EEF2KMT: variants seen among roughly 807,000 people sequenced by gnomAD.
The protein encoded by EEF2KMT is eukaryotic elongation factor 2 lysine methyltransferase.
In EEF2KMT, 30 loss-of-function variants were observed where a neutral mutation model predicts 35.1. The observed-to-expected ratio is 0.85, with a 90% CI of 0.64 to 1.16. EEF2KMT has a LOEUF of 1.16. EEF2KMT is among the 50% of genes most tolerant of loss of function. The pLI is 0.00. For missense variants in EEF2KMT, 499 were observed against 438.2 expected (o/e 1.14, Z -1.24); for synonymous variants, 190 against 187.7 (o/e 1.01, Z -0.10).
In EEF2KMT at chr16:5,089,163, T is replaced by G; in HGVS notation, c.836A>C (p.Tyr279Ser). ...TGGGTTGCGGACGGTAAAGGCCACG[T>G]AGACCTCAGGAGCCCGCTGGTGCTC... ...CREHQRAPEVYVAFTVRNPET... is the reference protein window; with the variant it reads ...CREHQRAPEVSVAFTVRNPET... Residue 279 changes from tyrosine (Y) to serine (S), a missense_variant, in exon 7 of 8, where the codon TAC (tyrosine) becomes TCC (serine). Transcript: ENST00000427587. 1 of 1,612,304 alleles carries G rather than the reference T, an allele frequency of 6.2e-7. No individual in the cohort carries two copies. Among genetic ancestry groups the G allele is most frequent in the Admixed American group, 1.7e-5 (1 of 60,020 alleles).
At chr16:5,097,580 C>G in intron 1 of EEF2KMT, 64 bp downstream of exon 1, 5 of 1,527,498 alleles carry the variant, frequency 3.3e-6, no homozygotes, top group East Asian at 2.5e-5. Flanking sequence ...GCACGGAGAC[C>G]CGTCCCGTCT....
chr16:5,097,528 G>C, intron 1 of EEF2KMT, 116 bp downstream of exon 1: 3 of 1,488,212 alleles, frequency 2.0e-6, no homozygotes, highest in Non-Finnish European at 2.7e-6. Flanking sequence ...CCTGACCGGC[G>C]GGAGCCCAGG....
chr16:5,097,430 GC>G (rs1257946792), intron 1 of EEF2KMT: 24 of 1,413,042 alleles, frequency 1.7e-5, no homozygotes, highest in Non-Finnish European at 1.9e-5. Flanking sequence ...CTGTGGAGAC[GC>G]CCCCAGCTTC....
At chr16:5,096,746 C>T (rs1350701021) in intron 1 of EEF2KMT, among the ~76,000 whole-genome samples, 1 of 152,164 alleles carries the variant, frequency 6.6e-6, no homozygotes, top group Non-Finnish European at 1.5e-5. Context: ...AATAATAGTA[C>T]CCACCTCGTG....
chr16:5,087,628 A>C (rs1957225502), intron 7 of EEF2KMT, among the ~76,000 whole-genome samples: 1 of 151,782 alleles, frequency 6.6e-6, no homozygotes. Flanking sequence ...CGAAACCTCA[A>C]CTCTACAAAC....
chr16:5,092,006 C>T (rs951538756), intron 3 of EEF2KMT, 111 bp from the exon 4 acceptor site: 42 of 1,535,410 alleles, frequency 2.7e-5, no homozygotes, highest in African/African-American at 1.8e-4. Flanking sequence ...GGTATAATAC[C>T]GGCCAGCTGC....
Position 5,090,205 on chromosome 16 carries a change from T to C in EEF2KMT, c.621A>G (p.Ser207=), listed in dbSNP as rs1293031189. The C allele has an allele frequency of 1.2e-6, 2 of 1,611,564 alleles. No individual in the cohort carries two copies. The highest frequency in any genetic ancestry group is 1.3e-5 in the African/African-American group (1 of 74,862). The change falls in exon 6 of 8, where the codon TCA becomes TCG. Residue 207 remains serine (S), a synonymous_variant. Transcript: ENST00000427587. The surrounding 1 kb of genome is among the most constrained non-coding windows in gnomAD (Gnocchi z 4.1). ...ACTTGGCAGTGATGTCTGCCTCTAA[T>C]GAGAGGCCATTGAGAAGGACATTCC... ...LRGNVLLNGL[S]LEADITAKLD...
At chr16:5,089,869 A>G (rs1957303168) in intron 6 of EEF2KMT, among the ~76,000 whole-genome samples, 1 of 152,166 alleles carries the variant, frequency 6.6e-6, no homozygotes, top group African/African-American at 2.4e-5. Flanking sequence ...CTGGAACGGG[A>G]GTATGCCTGT....
At position 5,085,356 on chromosome 16, in the gene EEF2KMT, T is replaced by G; in HGVS notation, c.*276A>C. 1.9e-6 allele frequency: 1 copy of G among 519,090 alleles called. No individual in the cohort carries two copies. The highest frequency in any genetic ancestry group is 3.6e-5 in the East Asian group (1 of 27,466). 32.2% of individuals were successfully genotyped at this position (519,090 alleles called of 1,614,324 possible). Reference sequence around the variant, plus strand: ...GAACATCATACTTGATACACACGTTTTTATTTGCACAAAGAAAATGCTATT... The same window carrying G: ...GAACATCATACTTGATACACACGTTGTTATTTGCACAAAGAAAATGCTATT... On this transcript the variant is annotated 3_prime_UTR_variant, in exon 8 of 8. Coordinates refer to ENST00000427587, the MANE Select transcript of EEF2KMT (RefSeq NM_201400.4).
rs370590198 is a variant in EEF2KMT at position 5,091,906 on chromosome 16, A to C, written c.241-11T>G. 12 of 1,611,550 alleles carry C rather than the reference A, an allele frequency of 7.4e-6. No homozygotes were observed. The Admixed American group carries it at 2.0e-4, about 27-fold the overall frequency. On this transcript the variant is annotated splice_polypyrimidine_tract_variant and intron_variant, in intron 3 of 7. Coordinates refer to ENST00000427587, the MANE Select transcript of EEF2KMT (RefSeq NM_201400.4). Reference sequence around the variant, plus strand: ...GTGGACAGCCTCGTGCTGGGGGCAGACAGAGTGAGAGCTTGTTTGCTTTCG... The same window carrying C: ...GTGGACAGCCTCGTGCTGGGGGCAGCCAGAGTGAGAGCTTGTTTGCTTTCG...
Position 5,085,213 on chromosome 16 carries a change from G to A in EEF2KMT, c.*419C>T, listed in dbSNP as rs1269629666. ...GGTCTCCAGGTGTCCCCTTTCTGCC[G>A]TGTTCCTAACATTTTGATTCCTGTC... is the stretch of plus-strand genomic sequence containing the variant. On this transcript the variant is annotated 3_prime_UTR_variant, in exon 8 of 8. Coordinates refer to ENST00000427587, the MANE Select transcript of EEF2KMT (RefSeq NM_201400.4). The A allele has an allele frequency of 1.1e-5, 6 of 544,274 alleles. No homozygotes were observed. The highest frequency in any genetic ancestry group is 3.2e-5 in the Admixed American group (1 of 31,642). 33.7% of individuals were successfully genotyped at this position (544,274 alleles called of 1,614,324 possible). A position where few individuals can be genotyped will look rare whatever the true frequency, so the allele number is the denominator to read the frequency against.
In EEF2KMT at chr16:5,090,179, A is replaced by G. The variant is rs1957310626; in HGVS notation, c.647T>C (p.Leu216Ser). The G allele has an allele frequency of 6.2e-7, 1 of 1,611,768 alleles. No individual in the cohort carries two copies. The highest frequency in any genetic ancestry group is 1.3e-5 in the African/African-American group (1 of 74,990). ...GGCCACTGTCACCCTGGGGCTGTCT[A>G]ACTTGGCAGTGATGTCTGCCTCTAA... ...LSLEADITAKLDSPRVTVAQL... is the reference protein window; with the variant it reads ...LSLEADITAKSDSPRVTVAQL... The change falls in exon 6 of 8, where the codon TTA (leucine) becomes TCA (serine). Residue 216 changes from leucine to serine, a missense_variant. Leu to Ser is a moderately radical substitution (Grantham distance 145, BLOSUM62 -2). Coordinates refer to ENST00000427587, the MANE Select transcript of EEF2KMT (RefSeq NM_201400.4). This position sits in a 1 kb window ranked among gnomAD's most constrained non-coding sequence, Gnocchi z 4.1.
chr16:5,084,653 T>C lies in EEF2KMT; in HGVS notation c.*979A>G, dbSNP rs1957084735. 1.3e-6 allele frequency: 2 copies of C among 1,553,852 alleles called. No individual in the cohort carries two copies. Among genetic ancestry groups the C allele is most frequent in the Non-Finnish European group, 1.7e-6 (2 of 1,147,372 alleles). ...GAGGGAGTTAGGGACTTGGGAGGGG[T>C]TGTTGTTGGGTCGGGGACCTGGGGT... is the stretch of plus-strand genomic sequence containing the variant. On this transcript the variant is annotated 3_prime_UTR_variant, in exon 8 of 8. Transcript: ENST00000427587.
chr16:5,088,582 A>G (rs758600575), intron 7 of EEF2KMT, among the ~76,000 whole-genome samples: 2 of 152,132 alleles, frequency 1.3e-5, no homozygotes, highest in Non-Finnish European at 2.9e-5. Context: ...GAGATGGGAC[A>G]GTGACAGCAC....
At position 5,085,749 on chromosome 16, in the gene EEF2KMT, TGTGTTTGAGGATGGCG is replaced by T. The variant is rs1351370814; in HGVS notation, c.893-33_893-18del. 6.3e-7 allele frequency: 1 copy of T among 1,591,850 alleles called. No homozygotes were observed. Among genetic ancestry groups the T allele is most frequent in the East Asian group, 2.2e-5 (1 of 44,710 alleles). On this transcript the variant is annotated intron_variant, in intron 7 of 7. Coordinates refer to ENST00000427587, the MANE Select transcript of EEF2KMT (RefSeq NM_201400.4). ...CGGCCCGGCCTGGAAACAGAGCACATGTGTTTGAGGATGGCGGTGTTTGGGGACAGGACATGAGGGT... is the reference window on the plus strand; with the variant it reads ...CGGCCCGGCCTGGAAACAGAGCACATGTGTTTGGGGACAGGACATGAGGGT...
Position 5,090,591 on chromosome 16 carries a change from C to T in EEF2KMT, c.343-26G>A. On this transcript the variant is annotated intron_variant, in intron 4 of 7. Coordinates refer to ENST00000427587, the MANE Select transcript of EEF2KMT (RefSeq NM_201400.4). The surrounding 1 kb of genome is among the most constrained non-coding windows in gnomAD (Gnocchi z 4.1). ...CTGCACCAAGAGAAGGCGAGAGAGT[C>T]AGTCCAGCGATCAGAAGGCAAGTGG... 1.2e-6 allele frequency: 2 copies of T among 1,611,842 alleles called. No homozygotes were observed. Among genetic ancestry groups the T allele is most frequent in the Non-Finnish European group, 1.7e-6 (2 of 1,179,768 alleles).
At chr16:5,097,622 C>G (rs1434123091) in intron 1 of EEF2KMT, 22 bp downstream of exon 1, 1 of 1,543,706 alleles carries the variant, frequency 6.5e-7, no homozygotes, top group South Asian at 1.2e-5. Context: ...CCGCGGGCCT[C>G]TCCGCTCGCC....
Position 5,084,921 on chromosome 16 carries a change from C to G in EEF2KMT, c.*711G>C. On this transcript the variant is annotated 3_prime_UTR_variant, in exon 8 of 8. Coordinates refer to ENST00000427587, the MANE Select transcript of EEF2KMT (RefSeq NM_201400.4). ...GCTAAAACCCCAGGACCCCTGCTGT[C>G]CTTCCCGCAGCTTCTTCTTGGAGTC... 6.3e-7 allele frequency: 1 copy of G among 1,596,404 alleles called. No homozygotes were observed. Among genetic ancestry groups the G allele is most frequent in the Non-Finnish European group, 8.5e-7 (1 of 1,179,756 alleles).
At position 5,091,876 on chromosome 16, in the gene EEF2KMT, T is replaced by G; in HGVS notation, c.260A>C (p.Glu87Ala). Residue 87 changes from glutamate (E) to alanine (A), a missense_variant, in exon 4 of 8, where the codon GAG becomes GCG. Coordinates refer to ENST00000427587, the MANE Select transcript of EEF2KMT (RefSeq NM_201400.4). ...CGCTTCATACAGCTCGTCCAAAGGC[T>G]CTGTGTGGACAGCCTCGTGCTGGGG... ...LIKKHEAVHT[E>A]PLDELYEALA... is the part of the protein sequence containing the mutation. The G allele has an allele frequency of 6.2e-7, 1 of 1,611,918 alleles. No homozygotes were observed. Among genetic ancestry groups the G allele is most frequent in the East Asian group, 2.2e-5 (1 of 44,872 alleles).
Sources: gnomAD v4.1 joint callset for allele counts (sites outside exome capture counted in the v4.1 genomes callset) on GRCh38, gnomAD v4.1.1 for gene constraint, Gnocchi (gnomAD v3.1) non-coding constraint, MANE v1.5 for transcripts, NCBI Gene and HGNC (gene_info 2026-07-23, HGNC 2026-07-21) for gene names.